Variants in VSNL1 observed in about 807,000 individuals in gnomAD.
VSNL1 encodes the protein visinin-like protein 1.
Under a neutral mutation model 20.4 loss-of-function variants are expected in VSNL1, and 6 were observed. The observed-to-expected ratio is 0.29, with a 90% CI of 0.16 to 0.58. VSNL1 has a LOEUF of 0.58. VSNL1 is among the 20% of genes least tolerant of loss of function. The pLI is 0.90. For missense variants in VSNL1, 100 were observed against 234.5 expected (o/e 0.43, Z 3.75); for synonymous variants, 93 against 86.4 (o/e 1.08, Z -0.42).
chr2:17,609,661 C>T (rs986646429), intron 2 of VSNL1, among the ~76,000 whole-genome samples: 3 of 152,182 alleles, frequency 2.0e-5, no homozygotes, highest in African/African-American at 7.2e-5. Flanking sequence ...TGCTAAAATA[C>T]CCTGTTCTGC....
intron 2 of VSNL1, among the ~76,000 whole-genome samples, chr2:17,629,935 C>G (rs1008329354): frequency 6.6e-6 from 1 of 152,030 alleles, no homozygotes; most frequent in African/African-American, 2.4e-5. Context: ...TTTATGGACT[C>G]GGAATGGCGA....
intron 1 of VSNL1, among the ~76,000 whole-genome samples, chr2:17,582,302 A>T (rs550741124): frequency 3.8e-4 from 58 of 152,298 alleles, no homozygotes; most frequent in African/African-American, 1.0e-3. Context: ...CCATGCTCAC[A>T]GTTGGAATTC....
chr2:17,615,067 G>T (rs771122416), intron 2 of VSNL1, among the ~76,000 whole-genome samples: 3 of 152,124 alleles, frequency 2.0e-5, no homozygotes, highest in Non-Finnish European at 4.4e-5. Flanking sequence ...CAGCTCCCAT[G>T]ATATCCTACC....
intron 2 of VSNL1, among the ~76,000 whole-genome samples, chr2:17,609,802 A>G (rs928902330): frequency 6.6e-6 from 1 of 152,210 alleles, no homozygotes; most frequent in Non-Finnish European, 1.5e-5. Context: ...ATCACTTCAT[A>G]TGCTGTAGGT....
chr2:17,645,465 T>C (rs1665971779), intron 2 of VSNL1, among the ~76,000 whole-genome samples: 2 of 152,150 alleles, frequency 1.3e-5, no homozygotes, highest in South Asian at 4.1e-4. Context: ...GCAATGGTGC[T>C]GGGGAGGGCT....
intron 1 of VSNL1, among the ~76,000 whole-genome samples, chr2:17,566,788 G>A (rs1390647625): frequency 1.3e-5 from 2 of 152,074 alleles, no homozygotes; most frequent in Non-Finnish European, 1.5e-5. Context: ...TAACTGAAAC[G>A]TATTTTTGAG....
chr2:17,597,414 C>A (rs1414453248), intron 2 of VSNL1, among the ~76,000 whole-genome samples: 3 of 152,076 alleles, frequency 2.0e-5, no homozygotes, highest in Non-Finnish European at 4.4e-5. Flanking sequence ...CACTGAGTAC[C>A]CAAGGGTTGT....
chr2:17,612,628 C>T (rs1215122851), intron 2 of VSNL1, among the ~76,000 whole-genome samples: 3 of 152,158 alleles, frequency 2.0e-5, no homozygotes, highest in East Asian at 3.8e-4. Flanking sequence ...TTTGATTCAC[C>T]TGATGGGGCC....
At chr2:17,600,299 G>T (rs1664796150) in intron 2 of VSNL1, among the ~76,000 whole-genome samples, 1 of 152,142 alleles carries the variant, frequency 6.6e-6, no homozygotes, top group Non-Finnish European at 1.5e-5. Context: ...TATTTCGTGG[G>T]CTCTTGTTGA....
intron 1 of VSNL1, among the ~76,000 whole-genome samples, chr2:17,589,798 G>GGGGAGGT (rs1283195435): frequency 6.6e-6 from 1 of 152,176 alleles, no homozygotes; most frequent in Non-Finnish European, 1.5e-5. Context: ...AAGGCACTTG[G>GGGGAGGT]GGGAGGTGGT....
chr2:17,601,679 A>T (rs532917745), intron 2 of VSNL1, among the ~76,000 whole-genome samples: 1 of 151,610 alleles, frequency 6.6e-6, no homozygotes, highest in East Asian at 1.9e-4. Context: ...TCATGCCTGT[A>T]ATCCCAGCAC....
chr2:17,569,599 C>T (rs1047413249), intron 1 of VSNL1, among the ~76,000 whole-genome samples: 4 of 152,052 alleles, frequency 2.6e-5, no homozygotes, highest in Non-Finnish European at 4.4e-5. Context: ...ATTTTTCATC[C>T]GTTACCTCAC....
At chr2:17,554,604 G>C (rs938523967) in intron 1 of VSNL1, among the ~76,000 whole-genome samples, 10 of 151,992 alleles carry the variant, frequency 6.6e-5, no homozygotes, top group Non-Finnish European at 1.5e-4. Flanking sequence ...ACTAAAGAGG[G>C]CTGCGATTGA....
At chr2:17,549,803 G>T (rs781401116) in intron 1 of VSNL1, among the ~76,000 whole-genome samples, 6 of 152,192 alleles carry the variant, frequency 3.9e-5, no homozygotes, top group Admixed American at 2.6e-4. Flanking sequence ...TTCCAAACCT[G>T]TTTGTACAGG....
chr2:17,612,719 A>G (rs1469532763), intron 2 of VSNL1, among the ~76,000 whole-genome samples: 1 of 152,190 alleles, frequency 6.6e-6, no homozygotes, highest in African/African-American at 2.4e-5. Flanking sequence ...TGACTCTGAA[A>G]TGCATCCCAG....
At chr2:17,603,642 G>C (rs962125197) in intron 2 of VSNL1, among the ~76,000 whole-genome samples, 4 of 152,126 alleles carry the variant, frequency 2.6e-5, no homozygotes, top group Non-Finnish European at 5.9e-5. Context: ...AGGTCACAGA[G>C]GGCATCAAAT....
chr2:17,573,453 C>CAA lies in VSNL1; in HGVS notation c.-5-18605_-5-18604dup, dbSNP rs202125209. On this transcript the variant is annotated intron_variant, in intron 1 of 3. Transcript: ENST00000295156. ...AAACAGGAAGACTACTTAGTTTTTG[C>CAA]AAAAAAAAAAAAAGTTTCTGAAGTG... Among the ~76,000 whole-genome samples, 553 of 118,850 alleles carry CAA rather than the reference C, an allele frequency of 4.7e-3. 1 individual carries two copies. The highest frequency in any genetic ancestry group is 0.021 in the Middle Eastern group (5 of 240). The allele number at this position is 118,850 out of a possible 152,430, so 78.0% of individuals were successfully genotyped here. A position where few individuals can be genotyped will look rare whatever the true frequency, so the allele number is the denominator to read the frequency against.
chr2:17,609,624 T>G (rs1225220189), intron 2 of VSNL1, among the ~76,000 whole-genome samples: 1 of 152,238 alleles, frequency 6.6e-6, no homozygotes, highest in Non-Finnish European at 1.5e-5. Context: ...TCACTCTGTA[T>G]GCTTCTGCAT....
chr2:17,583,749 A>T (rs1277476067), intron 1 of VSNL1, among the ~76,000 whole-genome samples: 1 of 152,178 alleles, frequency 6.6e-6, no homozygotes, highest in Non-Finnish European at 1.5e-5. Context: ...ATGCACTTTT[A>T]TGTAAAGGAA....
Sources: gnomAD v4.1 joint callset for allele counts (sites outside exome capture counted in the v4.1 genomes callset) on GRCh38, gnomAD v4.1.1 for gene constraint, MANE v1.5 for transcripts, NCBI Gene and HGNC (gene_info 2026-07-23, HGNC 2026-07-21) for gene names.